Variants in COX10 observed in about 807,000 individuals in gnomAD.
COX10 encodes the protein cytochrome c oxidase assembly factor heme A:farnesyltransferase COX10, also known as protoheme IX farnesyltransferase, mitochondrial.
In COX10, 27 loss-of-function variants were observed where a neutral mutation model predicts 37.3. That is an observed-to-expected ratio of 0.72 (90% confidence interval 0.53 to 1.00). COX10 has a LOEUF of 1.00. Ranked by LOEUF, COX10 falls within the 50% of genes least tolerant of loss-of-function variation. The probability of loss-of-function intolerance (pLI) is 0.00; values close to 1 mark genes in which losing one functional copy is unlikely to be tolerated. For missense variants in COX10, 475 were observed against 563.2 expected (o/e 0.84, Z 1.59); for synonymous variants, 222 against 229.1 (o/e 0.97, Z 0.28).
At chr17:14,134,453 T>C (rs1262608258) in intron 4 of COX10, among the ~76,000 whole-genome samples, 4 of 151,854 alleles carry the variant, frequency 2.6e-5, no homozygotes, top group Admixed American at 2.6e-4. Context: ...ATTTTAATGG[T>C]TGTTCACATT....
At chr17:14,085,961 T>G (rs567731703) in intron 3 of COX10, among the ~76,000 whole-genome samples, 1 of 152,320 alleles carries the variant, frequency 6.6e-6, no homozygotes, top group African/African-American at 2.4e-5. Context: ...AGGTTTTATA[T>G]TTGTCATACG....
chr17:14,146,008 G>C (rs997738745), intron 4 of COX10, among the ~76,000 whole-genome samples: 14 of 152,014 alleles, frequency 9.2e-5, no homozygotes, highest in African/African-American at 3.4e-4. Context: ...TACCTAAAGA[G>C]GGTCTGCCAT....
intron 4 of COX10, among the ~76,000 whole-genome samples, chr17:14,133,824 T>G (rs1273075388): frequency 6.6e-6 from 1 of 151,700 alleles, no homozygotes; most frequent in Non-Finnish European, 1.5e-5. Flanking sequence ...ATTCAGATTT[T>G]TATGAGTTTC....
Position 14,087,360 on chromosome 17 carries a change from C to T in COX10, c.499+10304C>T, listed in dbSNP as rs532774209. Among the ~76,000 whole-genome samples, 9 of 152,232 alleles carry T rather than the reference C, an allele frequency of 5.9e-5. No homozygotes were observed. The South Asian group carries it at 8.3e-4, about 14-fold the overall frequency. On this transcript the variant is annotated intron_variant, in intron 3 of 6. Transcript: ENST00000261643. ...TACCTCTCTGTATCTTTCTCCCTTC[C>T]GGAAAGAAGACAACACTATCCAGAC...
At chr17:14,154,703 C>T (rs1904994117) in intron 4 of COX10, among the ~76,000 whole-genome samples, 1 of 152,306 alleles carries the variant, frequency 6.6e-6, no homozygotes, top group Admixed American at 6.5e-5. Flanking sequence ...GCATGATGTG[C>T]TACAGTCCAT....
At position 14,207,040 on chromosome 17, in the gene COX10, C is replaced by T. The variant is rs901306243; in HGVS notation, c.1159C>T (p.Pro387Ser). ...TTWTFPIMAL[P>S]INAYISYLGF... ...ATGGACCTTCCCCATCATGGCCCTT[C>T]CCATCAATGCGTACATCTCCTACCT... Residue 387 changes from proline (P) to serine (S), a missense_variant, in exon 7 of 7, where the codon CCC (proline) becomes TCC (serine). Physicochemically the swap from Pro to Ser is moderately conservative, Grantham distance 74 (BLOSUM62 -1). This residue lies in a region of COX10 where 160 missense variants were observed against 180.6 expected (regional missense o/e 0.89). Coordinates refer to ENST00000261643, the MANE Select transcript of COX10 (RefSeq NM_001303.4). 7 of 1,613,966 alleles carry T rather than the reference C, an allele frequency of 4.3e-6. No individual in the cohort carries two copies. The highest frequency in any genetic ancestry group is 5.9e-6 in the Non-Finnish European group (7 of 1,179,936).
At position 14,146,168 on chromosome 17, in the gene COX10, A is replaced by G. The variant is rs917992724; in HGVS notation, c.625-13709A>G. Among the ~76,000 whole-genome samples, 52 of 152,124 alleles carry G rather than the reference A, an allele frequency of 3.4e-4. 2 individuals carry two copies. Among genetic ancestry groups the G allele is most frequent in the Non-Finnish European group, 4.4e-5 (3 of 68,004 alleles). The stretch of plus-strand genomic sequence containing the variant: ...GACCCAGGATAGCCAAAGATGTCCT[A>G]AGCAAAAAGAACAAAACTAGAGGAA... On this transcript the variant is annotated intron_variant, in intron 4 of 6. Coordinates refer to ENST00000261643, the MANE Select transcript of COX10 (RefSeq NM_001303.4).
intron 4 of COX10, among the ~76,000 whole-genome samples, chr17:14,138,732 C>G (rs1206248299): frequency 3.3e-5 from 5 of 152,118 alleles, no homozygotes; most frequent in Non-Finnish European, 1.5e-5. Context: ...TACTGTACTG[C>G]CTCCTATTAT....
In COX10 at chr17:14,207,351, G is replaced by GTTTT; in HGVS notation, c.*149_*152dup. ...TTCGGTGCTCAGTGATCACTTGACA[G>GTTTT]TTTTTTTTTTTTTTAAATATTACCC... is the stretch of plus-strand genomic sequence containing the variant. On this transcript the variant is annotated 3_prime_UTR_variant, in exon 7 of 7. Coordinates refer to ENST00000261643, the MANE Select transcript of COX10 (RefSeq NM_001303.4). The GTTTT allele has an allele frequency of 7.9e-6, 7 of 891,290 alleles. No individual in the cohort carries two copies. The highest frequency in any genetic ancestry group is 3.8e-4 in the Middle Eastern group (1 of 2,628). 55.2% of individuals were successfully genotyped at this position (891,290 alleles called of 1,614,324 possible).
chr17:14,074,045 T>C (rs1915089251), intron 1 of COX10, among the ~76,000 whole-genome samples: 1 of 152,208 alleles, frequency 6.6e-6, no homozygotes, highest in Non-Finnish European at 1.5e-5. Context: ...AGAAGATATG[T>C]AGCGTGGTCA....
At chr17:14,096,106 G>A (rs995240132) in intron 3 of COX10, among the ~76,000 whole-genome samples, 2 of 152,118 alleles carry the variant, frequency 1.3e-5, no homozygotes. Flanking sequence ...AAGGTTGAGT[G>A]TGCTAGCCCA....
chr17:14,120,240 C>T (rs969893479), intron 4 of COX10, among the ~76,000 whole-genome samples: 1 of 152,082 alleles, frequency 6.6e-6, no homozygotes, highest in Non-Finnish European at 1.5e-5. Context: ...CAAGAGGAGA[C>T]ATCAAGTGGA....
intron 4 of COX10, among the ~76,000 whole-genome samples, chr17:14,106,243 C>G (rs1915891782): frequency 6.6e-6 from 1 of 152,076 alleles, no homozygotes; most frequent in Admixed American, 6.6e-5. Flanking sequence ...TCTTGAACTC[C>G]TGACCTCAAG....
chr17:14,180,706 A>G (rs1227264497), intron 5 of COX10, among the ~76,000 whole-genome samples: 2 of 152,220 alleles, frequency 1.3e-5, no homozygotes, highest in Non-Finnish European at 2.9e-5. Context: ...CAATTAAAAC[A>G]TACGTTTTAG....
At chr17:14,096,011 A>G (rs1412539388) in intron 3 of COX10, among the ~76,000 whole-genome samples, 5 of 152,214 alleles carry the variant, frequency 3.3e-5, no homozygotes, top group Non-Finnish European at 5.9e-5. Context: ...GAGAAGTCCA[A>G]GGTCCAGGGC....
At chr17:14,132,455 C>T (rs1224568026) in intron 4 of COX10, among the ~76,000 whole-genome samples, 1 of 151,912 alleles carries the variant, frequency 6.6e-6, no homozygotes, top group Non-Finnish European at 1.5e-5. Flanking sequence ...CCTTGATTTT[C>T]TGCTTTATAT....
chr17:14,092,580 G>T (rs1297592675), intron 3 of COX10, among the ~76,000 whole-genome samples: 1 of 151,952 alleles, frequency 6.6e-6, no homozygotes. Flanking sequence ...CATATCAATT[G>T]ACTTTTCATC....
At chr17:14,175,385 G>C (rs910228918) in intron 5 of COX10, among the ~76,000 whole-genome samples, 2 of 151,902 alleles carry the variant, frequency 1.3e-5, no homozygotes, top group African/African-American at 4.8e-5. Context: ...TCCTCTGCCT[G>C]CTTCACCTTG....
intron 4 of COX10, among the ~76,000 whole-genome samples, chr17:14,122,113 G>A (rs1044516966): frequency 6.6e-6 from 1 of 152,152 alleles, no homozygotes; most frequent in African/African-American, 2.4e-5. Flanking sequence ...CGACCAGTTA[G>A]GGTGTTATTA....
Sources: gnomAD v4.1 joint callset for allele counts (sites outside exome capture counted in the v4.1 genomes callset) on GRCh38, gnomAD v4.1.1 for gene constraint, gnomAD v4.1.1 regional missense constraint, MANE v1.5 for transcripts, NCBI Gene and HGNC (gene_info 2026-07-23, HGNC 2026-07-21) for gene names.